CHD9: variants seen among roughly 807,000 people sequenced by gnomAD.
CHD9 encodes chromodomain helicase DNA binding protein 9.
A neutral mutation model predicts 316.1 loss-of-function variants in CHD9; 77 were observed. The ratio of observed to expected loss-of-function variants is 0.24; its 90% CI spans 0.20 to 0.29. The LOEUF (loss-of-function observed/expected upper bound fraction) is 0.29, where lower values mean the gene tolerates loss of function less well. Among genes scored for constraint, CHD9 ranks in the 10% least tolerant of loss-of-function variants. CHD9 has a pLI of 1.00. For synonymous variants in CHD9, 1,129 were observed against 1,158.3 expected, an observed-to-expected ratio of 0.97 and a Z score of 0.51; for missense variants, 2,763 against 3,438.1, an observed-to-expected ratio of 0.80 and a Z score of 4.91.
Position 53,094,166 on chromosome 16 carries a change from T to C in CHD9, c.-165+39089T>C, listed in dbSNP as rs142708309. Among the ~76,000 whole-genome samples the C allele has an allele frequency of 3.9e-5, 6 of 152,302 alleles. 1 individual carries two copies. The highest frequency in any genetic ancestry group is 3.3e-4 in the Admixed American group (5 of 15,298). On this transcript the variant is annotated intron_variant, in intron 1 of 38. Transcript: ENST00000447540. ...CCCGCAGAGCAGGAGAGAAGGTGTC[T>C]AGGCCTATGGGCTTGGTGACCAAAC...
intron 4 of CHD9, among the ~76,000 whole-genome samples, chr16:53,225,286 G>C (rs2047558350): frequency 1.3e-5 from 2 of 152,016 alleles, no homozygotes; most frequent in African/African-American, 4.8e-5. Flanking sequence ...TAAATATATA[G>C]AAGAAATTGG....
In CHD9 at chr16:53,227,461, G is replaced by GGAA. The variant is rs765310902; in HGVS notation, c.2111_2112+1dup. The GGAA allele has an allele frequency of 1.3e-6, 2 of 1,552,344 alleles. No homozygotes were observed. The highest frequency in any genetic ancestry group is 1.7e-6 in the Non-Finnish European group (2 of 1,144,784). On this transcript the variant is annotated inframe_insertion, in exon 6 of 39. Coordinates refer to ENST00000447540, the MANE Select transcript of CHD9 (RefSeq NM_001308319.2). Reference sequence around the variant, plus strand: ...TTCTATCTTCTAGAACCGTAAAAAAGGAAGTAAGTACTGGTACATTACATT... The same window carrying GGAA: ...TTCTATCTTCTAGAACCGTAAAAAAGGAAGAAGTAAGTACTGGTACATTACATT...
chr16:53,095,938 G>T (rs1157794696), intron 1 of CHD9, among the ~76,000 whole-genome samples: 1 of 152,106 alleles, frequency 6.6e-6, no homozygotes, highest in Non-Finnish European at 1.5e-5. Context: ...TTTTCCAACT[G>T]AAAGGGTATT....
intron 1 of CHD9, among the ~76,000 whole-genome samples, chr16:53,126,012 A>T (rs1263632680): frequency 6.6e-6 from 1 of 152,146 alleles, no homozygotes; most frequent in Non-Finnish European, 1.5e-5. Flanking sequence ...GATGAAGTTT[A>T]ATCTACTTTT....
chr16:53,177,031 A>C (rs764921684), intron 2 of CHD9, among the ~76,000 whole-genome samples: 7 of 152,112 alleles, frequency 4.6e-5, no homozygotes, highest in Admixed American at 4.6e-4. Context: ...TCTCGGCTCA[A>C]TGCAGCCTCC....
At chr16:53,230,382 G>C (rs1036470617) in intron 8 of CHD9, among the ~76,000 whole-genome samples, 1 of 152,148 alleles carries the variant, frequency 6.6e-6, no homozygotes, top group Non-Finnish European at 1.5e-5. Flanking sequence ...CACTTTGGGA[G>C]GTCAAGGTGG....
At position 53,112,402 on chromosome 16, in the gene CHD9, C is replaced by T. The variant is rs141855761; in HGVS notation, c.-164-43524C>T. Among the ~76,000 whole-genome samples, 567 of 152,296 alleles carry T rather than the reference C, an allele frequency of 3.7e-3. 6 individuals carry two copies. Among genetic ancestry groups the T allele is most frequent in the African/African-American group, 0.013 (548 of 41,564 alleles). ...TGGGTTTTTCAATGTTATTCCTGGA[C>T]TTGGCTGAGCTGAGCTTCTCTCCTG... is the stretch of plus-strand genomic sequence containing the variant. On this transcript the variant is annotated intron_variant, in intron 1 of 38. Coordinates refer to ENST00000447540, the MANE Select transcript of CHD9 (RefSeq NM_001308319.2).
chr16:53,244,271 C>T (rs2049367691), intron 13 of CHD9, among the ~76,000 whole-genome samples: 1 of 150,200 alleles, frequency 6.7e-6, no homozygotes, highest in Non-Finnish European at 1.5e-5. Context: ...CAGCTCACTG[C>T]AAGCTCTGCC....
chr16:53,078,455 A>C (rs543186483), intron 1 of CHD9, among the ~76,000 whole-genome samples: 2 of 152,302 alleles, frequency 1.3e-5, no homozygotes, highest in East Asian at 3.9e-4. Context: ...GGTCGTCTCA[A>C]GGTGCTGGTG....
chr16:53,286,595 A>T (rs1333763993), intron 26 of CHD9, among the ~76,000 whole-genome samples: 1 of 152,166 alleles, frequency 6.6e-6, no homozygotes, highest in African/African-American at 2.4e-5. Flanking sequence ...CAGCTATATC[A>T]TGGCCACTGA....
At chr16:53,131,680 C>G (rs1245650546) in intron 1 of CHD9, among the ~76,000 whole-genome samples, 1 of 151,986 alleles carries the variant, frequency 6.6e-6, no homozygotes, top group Non-Finnish European at 1.5e-5. Flanking sequence ...GGTTCCCTCC[C>G]GACGGTCGGG....
At chr16:53,219,919 T>C (rs1459688592) in intron 3 of CHD9, among the ~76,000 whole-genome samples, 6 of 152,214 alleles carry the variant, frequency 3.9e-5, no homozygotes, top group South Asian at 2.1e-4. Context: ...GCTATGAATA[T>C]TAAAAGTAGT....
chr16:53,190,144 G>A (rs944601312), intron 2 of CHD9, among the ~76,000 whole-genome samples: 3 of 152,062 alleles, frequency 2.0e-5, no homozygotes, highest in Non-Finnish European at 4.4e-5. Flanking sequence ...GCAAATTACT[G>A]ATTAAATCTC....
At position 53,275,096 on chromosome 16, in the gene CHD9, A is replaced by G. The variant is rs184098410; in HGVS notation, c.4967+794A>G. Among the ~76,000 whole-genome samples the G allele has an allele frequency of 2.6e-5, 4 of 152,264 alleles. No individual in the cohort carries two copies. The East Asian group carries it at 7.7e-4, about 29-fold the overall frequency. On this transcript the variant is annotated intron_variant, in intron 24 of 38. Coordinates refer to ENST00000447540, the MANE Select transcript of CHD9 (RefSeq NM_001308319.2). ...ACCCAGTCTGGAGTGCAGTGGCATG[A>G]TACTGGCTCACTGCAACCTCCATCT... is the stretch of plus-strand genomic sequence containing the variant.
intron 2 of CHD9, among the ~76,000 whole-genome samples, chr16:53,187,243 C>T (rs748277181): frequency 6.6e-6 from 1 of 152,044 alleles, no homozygotes; most frequent in African/African-American, 2.4e-5. Flanking sequence ...TGCAGTCACT[C>T]ATGCCTGTAA....
rs78501369 is a variant in CHD9, at chr16:53,175,813, T to C, written c.1452+18272T>C. ...TTACATATATTTTCTCATTTAATCT[T>C]CACAATATCTCTGAGTTAGATCTTA... is the stretch of plus-strand genomic sequence containing the variant. On this transcript the variant is annotated intron_variant, in intron 2 of 38. Coordinates refer to ENST00000447540, the MANE Select transcript of CHD9 (RefSeq NM_001308319.2). Among the ~76,000 whole-genome samples the C allele has an allele frequency of 6.2e-3, 941 of 152,346 alleles. 24 individuals carry two copies. The East Asian group carries it at 0.082, about 13-fold the overall frequency.
At chr16:53,178,322 A>G (rs532155494) in intron 2 of CHD9, among the ~76,000 whole-genome samples, 19 of 152,162 alleles carry the variant, frequency 1.2e-4, no homozygotes, top group Admixed American at 9.8e-4. Context: ...TGTGACCAGA[A>G]TCATGATTTT....
Position 53,262,871 on chromosome 16 carries a change from C to T in CHD9, c.4210-116C>T. Reference sequence around the variant, plus strand: ...GTTTCAGACCACTGAATTTGAAACACCCTTTGATGTATGAGTATGCAGAAT... The same window carrying T: ...GTTTCAGACCACTGAATTTGAAACATCCTTTGATGTATGAGTATGCAGAAT... On this transcript the variant is annotated intron_variant, in intron 19 of 38. Transcript: ENST00000447540. 3 of 812,256 alleles carry T rather than the reference C, an allele frequency of 3.7e-6. No individual in the cohort carries two copies. In the East Asian group the frequency reaches 7.9e-5, roughly 21 times the overall value. The allele number at this position is 812,256 out of a possible 1,614,324, so 50.3% of individuals were successfully genotyped here. A position where few individuals can be genotyped will look rare whatever the true frequency, so the allele number is the denominator to read the frequency against.
chr16:53,111,398 A>G (rs2037855170), intron 1 of CHD9, among the ~76,000 whole-genome samples: 1 of 152,232 alleles, frequency 6.6e-6, no homozygotes, highest in South Asian at 2.1e-4. Flanking sequence ...AAAGAAAAAA[A>G]GTCTTTTTCA....
Sources: allele counts gnomAD v4.1 joint callset (sites outside exome capture counted in the v4.1 genomes callset), GRCh38; gene constraint gnomAD v4.1.1; transcripts MANE v1.5; gene names NCBI Gene and HGNC (gene_info 2026-07-23, HGNC 2026-07-21).